Variants in TPP2 observed in about 807,000 individuals in gnomAD.
TPP2 encodes tripeptidyl-peptidase 2.
In TPP2, 34 loss-of-function variants were observed where a neutral mutation model predicts 155.9. That is an observed-to-expected ratio of 0.22 (90% CI 0.17 to 0.29). The LOEUF (loss-of-function observed/expected upper bound fraction) is 0.29, where lower values mean the gene tolerates loss of function less well. Ranked by LOEUF, TPP2 falls within the 10% of genes least tolerant of loss-of-function variation. TPP2 has a pLI of 1.00. For synonymous variants in TPP2, 510 were observed against 529.4 expected, an observed-to-expected ratio of 0.96 and a Z score of 0.50; for missense variants, 1,028 against 1,522.3, an observed-to-expected ratio of 0.68 and a Z score of 5.40.
intron 2 of TPP2, among the ~76,000 whole-genome samples, chr13:102,605,288 G>GC (rs1228071422): frequency 1.3e-5 from 2 of 152,208 alleles, no homozygotes; most frequent in Admixed American, 6.5e-5. Flanking sequence ...GCAGTACCTG[G>GC]CAGCACCTTC....
chr13:102,636,735 G>A (rs1010230057), intron 13 of TPP2, among the ~76,000 whole-genome samples: 15 of 152,184 alleles, frequency 9.9e-5, no homozygotes, highest in Admixed American at 3.3e-4. Flanking sequence ...AAAAGTAGAA[G>A]CAGTCTAGGA....
Position 102,643,323 on chromosome 13 carries a change from A to G in TPP2, c.2122A>G (p.Lys708Glu). The stretch of plus-strand genomic sequence containing the variant: ...AGCATATCGAAGCCATGAATTCTAT[A>G]AGTTTTGTTCTCTTCCAGAGAAAGG... ...QRAYRSHEFY[K>E]FCSLPEKGTL... The change falls in exon 17 of 30, where the codon AAG (lysine) becomes GAG (glutamate). Residue 708 changes from lysine to glutamate, a missense_variant. Coordinates refer to ENST00000376052, the MANE Select transcript of TPP2 (RefSeq NM_001330588.2). The G allele has an allele frequency of 1.2e-6, 2 of 1,613,190 alleles. No individual in the cohort carries two copies. Among genetic ancestry groups the G allele is most frequent in the Non-Finnish European group, 1.7e-6 (2 of 1,179,688 alleles).
intron 3 of TPP2, among the ~76,000 whole-genome samples, chr13:102,615,943 C>T (rs1054878539): frequency 1.1e-4 from 17 of 150,452 alleles, no homozygotes; most frequent in African/African-American, 4.2e-4. Flanking sequence ...GCTTTATCTG[C>T]TTCATTAGAA....
At chr13:102,626,420 T>C (rs1260027910) in intron 6 of TPP2, among the ~76,000 whole-genome samples, 1 of 152,188 alleles carries the variant, frequency 6.6e-6, no homozygotes, top group East Asian at 1.9e-4. Flanking sequence ...CTTGTGGTGG[T>C]TTTTAAGTTT....
intron 24 of TPP2, among the ~76,000 whole-genome samples, chr13:102,653,726 T>G (rs183267795): frequency 1.8e-3 from 268 of 152,316 alleles, no homozygotes; most frequent in Non-Finnish European, 1.9e-3. Flanking sequence ...AGATCATAAA[T>G]AGCATTCAAA....
At chr13:102,631,729 T>A (rs1174444384) in intron 10 of TPP2, among the ~76,000 whole-genome samples, 1 of 152,256 alleles carries the variant, frequency 6.6e-6, no homozygotes, top group Non-Finnish European at 1.5e-5. Context: ...GTTCTAAGAA[T>A]TGAATTTGTT....
At chr13:102,626,359 A>G (rs1412708319) in intron 6 of TPP2, among the ~76,000 whole-genome samples, 1 of 152,176 alleles carries the variant, frequency 6.6e-6, no homozygotes, top group Non-Finnish European at 1.5e-5. Context: ...TTGCTGTATA[A>G]TTGTCAGTTC....
chr13:102,616,310 C>T, intron 3 of TPP2, 86 bp from the exon 4 acceptor site: 1 of 1,099,708 alleles, frequency 9.1e-7, no homozygotes, highest in South Asian at 1.5e-5. Context: ...CACAACTGTA[C>T]CAACAAAGTC....
intron 27 of TPP2, among the ~76,000 whole-genome samples, chr13:102,671,325 A>G (rs1884968913): frequency 6.6e-6 from 1 of 152,168 alleles, no homozygotes; most frequent in Admixed American, 6.5e-5. Flanking sequence ...GAATGAGGAA[A>G]ATGGGCAAAT....
At chr13:102,605,898 A>G (rs1426962579) in intron 2 of TPP2, among the ~76,000 whole-genome samples, 1 of 151,842 alleles carries the variant, frequency 6.6e-6, no homozygotes, top group Non-Finnish European at 1.5e-5. Flanking sequence ...TAATTTTTGT[A>G]TGATTAGTAG....
intron 1 of TPP2, among the ~76,000 whole-genome samples, chr13:102,604,028 A>C (rs1879627683): frequency 6.6e-6 from 1 of 152,172 alleles, no homozygotes; most frequent in Non-Finnish European, 1.5e-5. Context: ...GAAGTAAAGA[A>C]TCAGAGGAGG....
At chr13:102,651,987 C>T (rs1169470341) in intron 24 of TPP2, among the ~76,000 whole-genome samples, 1 of 152,178 alleles carries the variant, frequency 6.6e-6, no homozygotes, top group East Asian at 1.9e-4. Context: ...CCCATCGCTA[C>T]TAAGTGGTCT....
chr13:102,674,107 A>G (rs531552835), intron 27 of TPP2, among the ~76,000 whole-genome samples, 176 bp from the exon 28 acceptor site: 5 of 152,288 alleles, frequency 3.3e-5, no homozygotes, highest in African/African-American at 1.2e-4. Flanking sequence ...AGCTCATTTG[A>G]TGTTTATTAA....
intron 27 of TPP2, among the ~76,000 whole-genome samples, chr13:102,665,969 A>G (rs888786820): frequency 1.4e-4 from 22 of 152,170 alleles, no homozygotes; most frequent in African/African-American, 3.9e-4. Context: ...TTTGGCCACT[A>G]TTATTACCTT....
At chr13:102,627,997 G>C (rs1881763295) in intron 8 of TPP2, 73 bp downstream of exon 8, 1 of 1,191,068 alleles carries the variant, frequency 8.4e-7, no homozygotes, top group South Asian at 1.3e-5. Context: ...TTTCATAAGT[G>C]GATTGAGTGT....
intron 6 of TPP2, among the ~76,000 whole-genome samples, chr13:102,624,298 A>T (rs902633478): frequency 6.6e-6 from 1 of 152,134 alleles, no homozygotes; most frequent in Non-Finnish European, 1.5e-5. Context: ...GAAAAAGGAG[A>T]ATGAAGTGGG....
chr13:102,639,467 C>G (rs973889504), intron 15 of TPP2, among the ~76,000 whole-genome samples: 7 of 152,098 alleles, frequency 4.6e-5, no homozygotes, highest in African/African-American at 1.7e-4. Flanking sequence ...TAATTTAGAC[C>G]AGGTAATGTG....
At chr13:102,635,482 A>C (rs541738934) in intron 11 of TPP2, 105 bp from the exon 12 acceptor site, 55 of 725,194 alleles carry the variant, frequency 7.6e-5, no homozygotes, top group Non-Finnish European at 1.1e-4. Context: ...GTTAGAACAC[A>C]AGACATTAAC....
chr13:102,666,072 C>T (rs1884572227), intron 27 of TPP2, among the ~76,000 whole-genome samples: 1 of 151,990 alleles, frequency 6.6e-6, no homozygotes, highest in African/African-American at 2.4e-5. Flanking sequence ...TATTAAGTGC[C>T]GATTATGTAT....
Sources: gnomAD v4.1 joint callset for allele counts (sites outside exome capture counted in the v4.1 genomes callset) on GRCh38, gnomAD v4.1.1 for gene constraint, MANE v1.5 for transcripts, NCBI Gene and HGNC (gene_info 2026-07-23, HGNC 2026-07-21) for gene names.